Variants in DCAF8L2 observed in about 807,000 individuals in gnomAD.
DCAF8L2 encodes the protein DDB1 and CUL4 associated factor 8 like 2, also known as DDB1- and CUL4-associated factor 8-like protein 2.
For missense variants in DCAF8L2, 430 were observed against 490.7 expected (o/e 0.88, Z 1.17); for synonymous variants, 200 against 190.9 (o/e 1.05, Z -0.39).
At chrX:27,477,652 A>G in the DCAF8L2 span, among the ~76,000 whole-genome samples, 1 of 111,465 alleles carries the variant, frequency 9.0e-6, no homozygotes, top group African/African-American at 3.3e-5. Flanking sequence ...CCAGTCCTCT[A>G]CTGCTAACCC....
At chrX:27,746,194 T>A (rs1922153610) in intron 4 of DCAF8L2, among the ~76,000 whole-genome samples, 1 of 111,902 alleles carries the variant, frequency 8.9e-6, no homozygotes, top group Non-Finnish European at 1.9e-5. Flanking sequence ...AGATAAATAA[T>A]AAATAAAATT....
chrX:27,596,004 G>C (rs1196114472), intron 1 of DCAF8L2, among the ~76,000 whole-genome samples: 1 of 111,884 alleles, frequency 8.9e-6, no homozygotes. Flanking sequence ...ACCCCAGCCT[G>C]TGCAACAGCG....
the DCAF8L2 span, among the ~76,000 whole-genome samples, chrX:27,553,341 T>C: frequency 4.7e-4 from 53 of 111,668 alleles, no homozygotes; most frequent in African/African-American, 1.6e-3. Context: ...TCATTGTTTA[T>C]AGTGGGTTGT....
the DCAF8L2 span, among the ~76,000 whole-genome samples, chrX:27,496,435 A>G: frequency 9.0e-6 from 1 of 111,651 alleles, no homozygotes; most frequent in Admixed American, 9.6e-5. Flanking sequence ...GGCAATCACT[A>G]ATCTACTTTA....
the DCAF8L2 span, among the ~76,000 whole-genome samples, chrX:27,470,295 T>G: frequency 8.9e-6 from 1 of 112,240 alleles, no homozygotes; most frequent in African/African-American, 3.2e-5. Flanking sequence ...AAAGAACAAC[T>G]TGCAAACCAG....
At chrX:27,628,950 G>T (rs1391037719) in intron 1 of DCAF8L2, among the ~76,000 whole-genome samples, 1 of 111,132 alleles carries the variant, frequency 9.0e-6, no homozygotes, top group Non-Finnish European at 1.9e-5. Flanking sequence ...GCTTTGATTT[G>T]CATTTCCCTA....
chrX:27,504,000 A>G, the DCAF8L2 span, among the ~76,000 whole-genome samples: 24,241 of 111,473 alleles, frequency 0.22, 2,134 homozygotes, highest in East Asian at 0.37. Flanking sequence ...GGAAACATCA[A>G]CCTGGTGATT....
chrX:27,738,887 G>T (rs781032072), intron 4 of DCAF8L2, among the ~76,000 whole-genome samples: 1 of 111,124 alleles, frequency 9.0e-6, no homozygotes, highest in Non-Finnish European at 1.9e-5. Flanking sequence ...AAGATAATGT[G>T]CATATTCTTT....
chrX:27,514,260 T>A, the DCAF8L2 span, among the ~76,000 whole-genome samples: 1 of 36,982 alleles, frequency 2.7e-5, no homozygotes, highest in African/African-American at 4.6e-5. Context: ...TACATATATG[T>A]GTGCATATGT....
At chrX:27,505,921 G>T in the DCAF8L2 span, among the ~76,000 whole-genome samples, 1 of 111,871 alleles carries the variant, frequency 8.9e-6, no homozygotes, top group Non-Finnish European at 1.9e-5. Flanking sequence ...ACAGCAATAA[G>T]TAACTTACAC....
At chrX:27,676,705 C>A (rs772550837) in intron 2 of DCAF8L2, among the ~76,000 whole-genome samples, 1 of 111,484 alleles carries the variant, frequency 9.0e-6, no homozygotes, top group Non-Finnish European at 1.9e-5. Flanking sequence ...CTAACTGTTG[C>A]TGCTGTTGCA....
chrX:27,551,817 C>T, the DCAF8L2 span, among the ~76,000 whole-genome samples: 1 of 112,113 alleles, frequency 8.9e-6, no homozygotes, highest in East Asian at 2.8e-4. Context: ...ATCTCTTTGA[C>T]ATACTGATTT....
the DCAF8L2 span, among the ~76,000 whole-genome samples, chrX:27,566,507 T>G: frequency 1.8e-5 from 2 of 110,957 alleles, no homozygotes; most frequent in African/African-American, 6.5e-5. Context: ...TCTTCTAGGT[T>G]ATCTAGTTGT....
chrX:27,696,274 GAAAGAA>G (rs1930901952), intron 3 of DCAF8L2, among the ~76,000 whole-genome samples: 16 of 24,955 alleles, frequency 6.4e-4, no homozygotes, highest in South Asian at 6.3e-3. Context: ...GAGAGAGAAA[GAAAGAA>G]AGAAAGAAAG....
chrX:27,510,961 A>T, the DCAF8L2 span, among the ~76,000 whole-genome samples: 4 of 111,108 alleles, frequency 3.6e-5, no homozygotes, highest in Non-Finnish European at 7.5e-5. Flanking sequence ...CTGTGTCCTT[A>T]AGTTGATTTT....
At chrX:27,499,202 G>T in the DCAF8L2 span, among the ~76,000 whole-genome samples, 3 of 112,085 alleles carry the variant, frequency 2.7e-5, no homozygotes, top group African/African-American at 9.7e-5. Flanking sequence ...GTGTACAAGG[G>T]TTCCCTTTTC....
chrX:27,720,085 T>G (rs1024360052), intron 4 of DCAF8L2, among the ~76,000 whole-genome samples: 2 of 92,863 alleles, frequency 2.2e-5, no homozygotes, highest in Admixed American at 1.1e-4. Flanking sequence ...GAGTCAAGGG[T>G]TTTTTTTTAA....
rs772720822 is a variant in DCAF8L2, at chrX:27,648,269, T to C, written c.-220+16269T>C. On this transcript the variant is annotated intron_variant, in intron 2 of 4. Coordinates refer to ENST00000451261, the MANE Select transcript of DCAF8L2 (RefSeq NM_001353450.2). Reference sequence around the variant, plus strand: ...AATAAAAATGAGAACATTCCAAACATTATTATCACATTTGGGAATTACAAC... The same window carrying C: ...AATAAAAATGAGAACATTCCAAACACTATTATCACATTTGGGAATTACAAC... Among the ~76,000 whole-genome samples, 18 of 110,954 alleles carry C rather than the reference T, an allele frequency of 1.6e-4. No individual in the cohort carries two copies. In the East Asian group the frequency reaches 4.2e-3, roughly 26 times the overall value.
the DCAF8L2 span, among the ~76,000 whole-genome samples, chrX:27,495,849 T>G: frequency 8.9e-6 from 1 of 112,280 alleles, no homozygotes; most frequent in South Asian, 3.6e-4. Flanking sequence ...TTGACCACAC[T>G]TATTTCTTGT....
Sources: gnomAD v4.1 joint callset for allele counts (sites outside exome capture counted in the v4.1 genomes callset) on GRCh38, gnomAD v4.1.1 for gene constraint, MANE v1.5 for transcripts, NCBI Gene and HGNC (gene_info 2026-07-23, HGNC 2026-07-21) for gene names.